PAPSS1: variants seen among roughly 807,000 people sequenced by gnomAD.
PAPSS1 encodes the protein bifunctional 3'-phosphoadenosine 5'-phosphosulfate synthase 1.
A neutral mutation model predicts 72.0 loss-of-function variants in PAPSS1; 50 were observed. The observed-to-expected ratio is 0.69, with a 90% CI of 0.55 to 0.88. The LOEUF is 0.88. PAPSS1 is among the 40% of genes least tolerant of loss of function. PAPSS1 has a pLI of 0.00. For missense variants in PAPSS1, 657 were observed against 782.2 expected (o/e 0.84, Z 1.91); for synonymous variants, 261 against 263.6 (o/e 0.99, Z 0.09).
chr4:107,664,310 A>G (rs192656768), intron 5 of PAPSS1, among the ~76,000 whole-genome samples: 1 of 152,298 alleles, frequency 6.6e-6, no homozygotes, highest in East Asian at 1.9e-4. Context: ...CCCCAGGTTT[A>G]CTGCTGAAAA....
At chr4:107,624,818 G>A (rs773792380) in intron 11 of PAPSS1, among the ~76,000 whole-genome samples, 54 of 152,044 alleles carry the variant, frequency 3.6e-4, no homozygotes, top group Admixed American at 8.5e-4. Context: ...GTATTCAGAC[G>A]AAACATCAAA....
rs549499812 is a variant in PAPSS1 at position 107,689,125 on chromosome 4, G to A, written c.412-1948C>T. 6.6e-5 allele frequency among the ~76,000 whole-genome samples: 10 copies of A among 151,432 alleles called. No individual in the cohort carries two copies. The South Asian group carries it at 8.3e-4, about 13-fold the overall frequency. Reference sequence around the variant, plus strand: ...TTACAGGTCTTCTGGCTTCTAACTCGGATCTGCTCAAAGCCATAATCTACA... The same window carrying A: ...TTACAGGTCTTCTGGCTTCTAACTCAGATCTGCTCAAAGCCATAATCTACA... On this transcript the variant is annotated intron_variant, in intron 3 of 11. Coordinates refer to ENST00000265174, the MANE Select transcript of PAPSS1 (RefSeq NM_005443.5).
intron 10 of PAPSS1, 101 bp from the exon 11 acceptor site, chr4:107,631,961 T>C: frequency 1.3e-6 from 1 of 769,630 alleles, no homozygotes; most frequent in Non-Finnish European, 2.0e-6. Context: ...AAAATCATTA[T>C]CGGTAGGAAA....
intron 1 of PAPSS1, among the ~76,000 whole-genome samples, chr4:107,716,155 C>A (rs1415178817): frequency 3.3e-5 from 5 of 152,144 alleles, no homozygotes; most frequent in Admixed American, 3.3e-4. Flanking sequence ...TACAAAACAT[C>A]TATAATGAAG....
chr4:107,639,185 T>A (rs1726471149), intron 10 of PAPSS1, among the ~76,000 whole-genome samples: 1 of 143,478 alleles, frequency 7.0e-6, no homozygotes, highest in African/African-American at 3.0e-5. Flanking sequence ...TGACATTTTT[T>A]CCCTATGAAA....
chr4:107,673,153 C>A (rs925794530), intron 5 of PAPSS1, among the ~76,000 whole-genome samples: 2 of 152,024 alleles, frequency 1.3e-5, no homozygotes, highest in African/African-American at 2.4e-5. Context: ...AATCAGAGCA[C>A]CTCTCCTCCT....
intron 5 of PAPSS1, among the ~76,000 whole-genome samples, chr4:107,672,607 G>A (rs1051598006): frequency 2.6e-5 from 4 of 152,204 alleles, no homozygotes; most frequent in Non-Finnish European, 2.9e-5. Context: ...AGCTCAAGGA[G>A]GCCTGCCTGC....
chr4:107,634,073 A>G (rs1365637618), intron 10 of PAPSS1, among the ~76,000 whole-genome samples: 1 of 152,066 alleles, frequency 6.6e-6, no homozygotes, highest in Non-Finnish European at 1.5e-5. Flanking sequence ...GCTGGAGTGC[A>G]GTGGTGCAAA....
chr4:107,646,951 C>T (rs1435604099), intron 9 of PAPSS1, among the ~76,000 whole-genome samples: 4 of 152,198 alleles, frequency 2.6e-5, no homozygotes, highest in Non-Finnish European at 5.9e-5. Flanking sequence ...TCATTTGCAG[C>T]ACACTAATTA....
chr4:107,713,881 G>C (rs999334672), intron 1 of PAPSS1, among the ~76,000 whole-genome samples: 2 of 152,042 alleles, frequency 1.3e-5, no homozygotes, highest in Non-Finnish European at 2.9e-5. Flanking sequence ...TTCATCCAAA[G>C]ACAGATACTG....
chr4:107,639,527 C>A (rs1270981769), intron 10 of PAPSS1, among the ~76,000 whole-genome samples: 2 of 152,066 alleles, frequency 1.3e-5, no homozygotes, highest in East Asian at 3.9e-4. Flanking sequence ...TATGGGGGTA[C>A]CATCCCAGAC....
At chr4:107,718,825 A>T (rs908426509) in intron 1 of PAPSS1, among the ~76,000 whole-genome samples, 1 of 152,254 alleles carries the variant, frequency 6.6e-6, no homozygotes, top group East Asian at 1.9e-4. Flanking sequence ...AGCGAAACTG[A>T]GTCTGAGTTT....
intron 1 of PAPSS1, among the ~76,000 whole-genome samples, chr4:107,717,748 T>C (rs747255744): frequency 1.2e-4 from 18 of 152,118 alleles, no homozygotes; most frequent in Non-Finnish European, 2.2e-4. Context: ...CCAACCTACT[T>C]CCCAATTTCC....
At chr4:107,687,339 T>C (rs1028498951) in intron 3 of PAPSS1, among the ~76,000 whole-genome samples, 162 bp from the exon 4 acceptor site, 1 of 152,216 alleles carries the variant, frequency 6.6e-6, no homozygotes, top group Non-Finnish European at 1.5e-5. Context: ...ATTATTAGGT[T>C]AATTCCTATT....
chr4:107,698,082 C>T (rs1297088486), intron 2 of PAPSS1, among the ~76,000 whole-genome samples: 4 of 152,100 alleles, frequency 2.6e-5, no homozygotes, highest in Non-Finnish European at 4.4e-5. Flanking sequence ...TTTCTTCCAC[C>T]TATTTTGTGG....
At chr4:107,682,972 C>T (rs1722675191) in intron 4 of PAPSS1, among the ~76,000 whole-genome samples, 1 of 152,134 alleles carries the variant, frequency 6.6e-6, no homozygotes, top group Admixed American at 6.6e-5. Context: ...TTAGATTTTT[C>T]CTATGGTATA....
chr4:107,631,772 G>A lies in PAPSS1; in HGVS notation c.1595C>T (p.Thr532Ile). Residue 532 changes from threonine (T) to isoleucine (I), a missense_variant, in exon 11 of 12, where the codon ACA (threonine) becomes ATA (isoleucine). Thr to Ile is a moderately conservative substitution (Grantham distance 89, BLOSUM62 -1). Around this residue, in one of 7 missense-constraint regions of PAPSS1, gnomAD observed 166 missense variants for 228.3 expected, o/e 0.73. Coordinates refer to ENST00000265174, the MANE Select transcript of PAPSS1 (RefSeq NM_005443.5). Reference protein sequence around the residue: ...RDPAGMPHPETGKDLYEPSHG... With the variant: ...RDPAGMPHPEIGKDLYEPSHG... ...ACTTGGCTCATAAAGATCCTTCCCT[G>A]TTTCTGGATGAGGCATGCCAGCAGG... 2 of 1,614,064 alleles carry A rather than the reference G, an allele frequency of 1.2e-6. No homozygotes were observed. Among genetic ancestry groups the A allele is most frequent in the South Asian group, 1.1e-5 (1 of 91,080 alleles).
rs936083191 is a variant in PAPSS1 at position 107,659,237 on chromosome 4, G to C, written c.783+722C>G. Among the ~76,000 whole-genome samples the C allele has an allele frequency of 5.9e-5, 9 of 152,092 alleles. 1 individual carries two copies. Among genetic ancestry groups the C allele is most frequent in the Admixed American group, 4.6e-4 (7 of 15,252 alleles). On this transcript the variant is annotated intron_variant, in intron 6 of 11. Coordinates refer to ENST00000265174, the MANE Select transcript of PAPSS1 (RefSeq NM_005443.5). The stretch of plus-strand genomic sequence containing the variant: ...TATAATTTACTCCCATCAGGGATTT[G>C]GTAACAACTTAAAGAGTCTTTCATC...
intron 1 of PAPSS1, among the ~76,000 whole-genome samples, chr4:107,713,804 T>G (rs748015612): frequency 6.1e-4 from 90 of 147,242 alleles, no homozygotes; most frequent in Non-Finnish European, 1.2e-3. Flanking sequence ...AAGACAGAGG[T>G]AAGGTATGCA....
Sources: allele counts gnomAD v4.1 joint callset (sites outside exome capture counted in the v4.1 genomes callset), GRCh38; gene constraint gnomAD v4.1.1; regional missense constraint gnomAD v4.1.1; transcripts MANE v1.5; gene names NCBI Gene and HGNC (gene_info 2026-07-23, HGNC 2026-07-21).